Variants in RUNX2 observed in about 807,000 individuals in gnomAD.
RUNX2 encodes the protein RUNX family transcription factor 2, also known as runt-related transcription factor 2.
Under a neutral mutation model 51.7 loss-of-function variants are expected in RUNX2, and 10 were observed. The ratio of observed to expected loss-of-function variants is 0.19; its 90% CI spans 0.12 to 0.33. RUNX2 has a LOEUF of 0.33. RUNX2 is among the 10% of genes least tolerant of loss of function. RUNX2 has a pLI of 1.00. For missense variants in RUNX2, 562 were observed against 691.3 expected (o/e 0.81, Z 2.10); for synonymous variants, 276 against 273.6 (o/e 1.01, Z -0.09).
intron 5 of RUNX2, among the ~76,000 whole-genome samples, chr6:45,483,648 C>A (rs894604471): frequency 2.6e-5 from 4 of 152,162 alleles, no homozygotes; most frequent in African/African-American, 9.7e-5. Flanking sequence ...ATGTAGTAGA[C>A]AAAACATAGT....
At chr6:45,365,967 G>A (rs1447576499) in intron 2 of RUNX2, among the ~76,000 whole-genome samples, 1 of 151,962 alleles carries the variant, frequency 6.6e-6, no homozygotes, top group Non-Finnish European at 1.5e-5. Flanking sequence ...GATGCATAAT[G>A]ATAAAGTGGG....
intron 3 of RUNX2, among the ~76,000 whole-genome samples, chr6:45,430,619 T>C (rs1007232941): frequency 2.0e-5 from 3 of 152,150 alleles, no homozygotes; most frequent in Non-Finnish European, 4.4e-5. Context: ...ATGCCAATTG[T>C]ATTGGGAACA....
intron 2 of RUNX2, among the ~76,000 whole-genome samples, chr6:45,372,752 G>A (rs1340869645): frequency 6.6e-6 from 1 of 151,942 alleles, no homozygotes; most frequent in Non-Finnish European, 1.5e-5. Flanking sequence ...TCCACCTCCT[G>A]GGCTCAAGCA....
chr6:45,362,266 C>T (rs1448008871), intron 2 of RUNX2, among the ~76,000 whole-genome samples: 1 of 152,140 alleles, frequency 6.6e-6, no homozygotes, highest in East Asian at 1.9e-4. Context: ...AGAAATGACA[C>T]TACAATATTG....
chr6:45,462,565 G>T (rs750155148), intron 5 of RUNX2, among the ~76,000 whole-genome samples: 32 of 152,182 alleles, frequency 2.1e-4, no homozygotes, highest in Non-Finnish European at 3.8e-4. Context: ...ATTCGTCAGG[G>T]CTAGGACTCT....
intron 2 of RUNX2, among the ~76,000 whole-genome samples, chr6:45,329,137 A>T (rs1163365269): frequency 2.0e-5 from 3 of 152,014 alleles, no homozygotes; most frequent in Admixed American, 6.6e-5. Context: ...TAATCAAAGC[A>T]TTATAAATTA....
intron 7 of RUNX2, among the ~76,000 whole-genome samples, chr6:45,540,183 A>G (rs572519738): frequency 6.6e-6 from 1 of 152,320 alleles, no homozygotes; most frequent in Admixed American, 6.5e-5. Context: ...GACTCTGAAT[A>G]TGCCCATAGC....
At chr6:45,382,305 A>G (rs1332401667) in intron 2 of RUNX2, among the ~76,000 whole-genome samples, 1 of 152,244 alleles carries the variant, frequency 6.6e-6, no homozygotes, top group African/African-American at 2.4e-5. Context: ...GTTAGACAAT[A>G]AAAATAAATG....
intron 6 of RUNX2, among the ~76,000 whole-genome samples, chr6:45,495,245 A>C (rs1014368886): frequency 3.9e-5 from 6 of 152,246 alleles, no homozygotes; most frequent in African/African-American, 1.4e-4. Flanking sequence ...TGACTAGCCC[A>C]GTGGCAGTGT....
intron 5 of RUNX2, among the ~76,000 whole-genome samples, chr6:45,449,345 C>T (rs1002077260): frequency 3.3e-5 from 5 of 152,194 alleles, no homozygotes; most frequent in African/African-American, 7.2e-5. Context: ...AATTATGTAG[C>T]GCCTTTCTGC....
chr6:45,437,801 A>G, intron 4 of RUNX2, 146 bp from the exon 5 acceptor site: 3 of 701,850 alleles, frequency 4.3e-6, no homozygotes, highest in Non-Finnish European at 7.8e-6. Context: ...AGGGTTTCCA[A>G]TTTAGAAGAA....
chr6:45,477,570 A>G (rs1206824566), intron 5 of RUNX2, among the ~76,000 whole-genome samples: 1 of 151,932 alleles, frequency 6.6e-6, no homozygotes, highest in Non-Finnish European at 1.5e-5. Context: ...GAAACCTGAG[A>G]CTCACCTTCT....
chr6:45,355,387 ACTTC>A (rs1214074377), intron 2 of RUNX2, among the ~76,000 whole-genome samples: 1 of 151,996 alleles, frequency 6.6e-6, no homozygotes, highest in African/African-American at 2.4e-5. Context: ...TATAAAAAAT[ACTTC>A]ATTTATTATA....
At chr6:45,459,674 A>G (rs1799417142) in intron 5 of RUNX2, among the ~76,000 whole-genome samples, 1 of 152,220 alleles carries the variant, frequency 6.6e-6, no homozygotes, top group Admixed American at 6.5e-5. Context: ...TCCCTCTTGG[A>G]ACTTGTGTTC....
chr6:45,535,263 C>G (rs2150442761), intron 7 of RUNX2, among the ~76,000 whole-genome samples: 1 of 151,568 alleles, frequency 6.6e-6, no homozygotes, highest in Admixed American at 6.6e-5. Flanking sequence ...AAAAAAAAGG[C>G]TATAGAGGTG....
At chr6:45,516,797 TG>T (rs1054531950) in intron 7 of RUNX2, among the ~76,000 whole-genome samples, 26 of 152,390 alleles carry the variant, frequency 1.7e-4, no homozygotes, top group African/African-American at 6.0e-4. Flanking sequence ...ATTACATTTC[TG>T]GAAGTCATTA....
intron 3 of RUNX2, among the ~76,000 whole-genome samples, chr6:45,423,944 T>G (rs1469954018): frequency 1.3e-5 from 2 of 152,226 alleles, no homozygotes; most frequent in African/African-American, 4.8e-5. Flanking sequence ...TGGAACAACT[T>G]TAGTTCGCCC....
Position 45,431,887 on chromosome 6 carries a change from G to C in RUNX2, c.448G>C (p.Asp150His). The C allele has an allele frequency of 6.2e-7, 1 of 1,614,168 alleles. No individual in the cohort carries two copies. Among genetic ancestry groups the C allele is most frequent in the Non-Finnish European group, 8.5e-7 (1 of 1,180,000 alleles). Residue 150 changes from aspartate to histidine, a missense_variant, in exon 4 of 9, where the codon GAT becomes CAT. Asp to His is a moderately conservative substitution (Grantham distance 81). Transcript: ENST00000647337. ...GGTGGTAGCCCTCGGAGAGGTACCA[G>C]ATGGGACTGTGGTTACTGTCATGGC... ...FKVVALGEVP[D>H]GTVVTVMAGN...
intron 2 of RUNX2, chr6:45,422,385 G>A (rs1582093488): frequency 3.6e-6 from 2 of 555,478 alleles, no homozygotes; most frequent in South Asian, 2.2e-5. Flanking sequence ...GCGCCGCATC[G>A]CCAGACTCTG....
Sources: allele counts gnomAD v4.1 joint callset (sites outside exome capture counted in the v4.1 genomes callset), GRCh38; gene constraint gnomAD v4.1.1; transcripts MANE v1.5; gene names NCBI Gene and HGNC (gene_info 2026-07-23, HGNC 2026-07-21).